PTPRO: variants seen among roughly 807,000 people sequenced by gnomAD.
PTPRO encodes the protein protein tyrosine phosphatase receptor type O.
Under a neutral mutation model 145.2 loss-of-function variants are expected in PTPRO, and 62 were observed. That is an observed-to-expected ratio of 0.43 (90% CI 0.35 to 0.53). The LOEUF is 0.53. Ranked by LOEUF, PTPRO falls within the 20% of genes least tolerant of loss-of-function variation. The probability of loss-of-function intolerance (pLI) is 0.01; values close to 1 mark genes in which losing one functional copy is unlikely to be tolerated. For synonymous variants in PTPRO, 565 were observed against 514.7 expected (o/e 1.10, Z -1.32); for missense variants, 1,345 against 1,482.7 (o/e 0.91, Z 1.53).
intron 1 of PTPRO, among the ~76,000 whole-genome samples, chr12:15,393,944 C>T (rs1939265582): frequency 6.6e-6 from 1 of 152,156 alleles, no homozygotes; most frequent in Admixed American, 6.5e-5. Flanking sequence ...CATCACATGG[C>T]AAGGAGGCTT....
Position 15,483,993 on chromosome 12 carries a change from T to G in PTPRO, c.95T>G (p.Val32Gly). The change falls in exon 2 of 27, where the codon GTA becomes GGA. Residue 32 changes from valine (V) to glycine (G), a missense_variant. Transcript: ENST00000281171. Reference protein sequence around the residue: ...VLFKNATAFHVTVQDDNNIVV... With the variant: ...VLFKNATAFHGTVQDDNNIVV... ...CAACAGAATGCTACAGCTTTCCATG[T>G]AACTGTCCAAGATGATAATAACATC... 1 of 1,613,654 alleles carries G rather than the reference T, an allele frequency of 6.2e-7. No homozygotes were observed.
chr12:15,363,171 A>G (rs1938259771), intron 1 of PTPRO, among the ~76,000 whole-genome samples: 1 of 152,200 alleles, frequency 6.6e-6, no homozygotes, highest in African/African-American at 2.4e-5. Flanking sequence ...TAGTTTCTAC[A>G]TAGAACAAGG....
At chr12:15,534,670 C>T (rs1943031584) in intron 12 of PTPRO, among the ~76,000 whole-genome samples, 1 of 152,174 alleles carries the variant, frequency 6.6e-6, no homozygotes, top group African/African-American at 2.4e-5. Context: ...GGATGCCAGA[C>T]AGAGGGAACA....
intron 7 of PTPRO, among the ~76,000 whole-genome samples, chr12:15,509,621 C>T (rs558709811): frequency 7.8e-5 from 9 of 114,984 alleles, no homozygotes; most frequent in Non-Finnish European, 1.5e-4. Flanking sequence ...CACTTGAACC[C>T]GGGAGGTGGG....
At chr12:15,591,230 G>A (rs554601118) in intron 25 of PTPRO, among the ~76,000 whole-genome samples, 3 of 152,082 alleles carry the variant, frequency 2.0e-5, no homozygotes, top group South Asian at 2.1e-4. Context: ...AATTAGCCTG[G>A]CCTGGTGATG....
chr12:15,347,193 C>T (rs1451428601), intron 1 of PTPRO, among the ~76,000 whole-genome samples: 2 of 152,170 alleles, frequency 1.3e-5, no homozygotes, highest in African/African-American at 4.8e-5. Context: ...CATACTCCAT[C>T]CTTAATTGGC....
chr12:15,565,283 A>G (rs947721832), intron 17 of PTPRO: 2 of 241,958 alleles, frequency 8.3e-6, no homozygotes, highest in Non-Finnish European at 1.6e-5. Context: ...ATACTTCTAT[A>G]TATTTACAAA....
chr12:15,399,910 G>A (rs1050452565), intron 1 of PTPRO, among the ~76,000 whole-genome samples: 1 of 151,184 alleles, frequency 6.6e-6, no homozygotes, highest in Admixed American at 6.6e-5. Flanking sequence ...AATTAGACGG[G>A]CGTGTTGGCG....
chr12:15,547,943 T>C (rs1245838102), intron 13 of PTPRO, among the ~76,000 whole-genome samples: 1 of 152,222 alleles, frequency 6.6e-6, no homozygotes, highest in Non-Finnish European at 1.5e-5. Flanking sequence ...GTCACTAGTC[T>C]GGCCATGGGT....
intron 1 of PTPRO, among the ~76,000 whole-genome samples, chr12:15,380,113 A>C (rs1199889864): frequency 6.6e-6 from 1 of 152,136 alleles, no homozygotes; most frequent in African/African-American, 2.4e-5. Context: ...CTTGGCCTTA[A>C]ACAAGTTACT....
At chr12:15,521,070 G>T (rs971691242) in intron 10 of PTPRO, among the ~76,000 whole-genome samples, 1 of 152,110 alleles carries the variant, frequency 6.6e-6, no homozygotes, top group Non-Finnish European at 1.5e-5. Flanking sequence ...TAACCCTTGT[G>T]GTTTGAACTA....
chr12:15,404,948 C>T (rs866510416), intron 1 of PTPRO, among the ~76,000 whole-genome samples: 5 of 152,290 alleles, frequency 3.3e-5, no homozygotes, highest in Admixed American at 6.5e-5. Context: ...GGCTGTCTTC[C>T]TGATTTGAAG....
intron 1 of PTPRO, among the ~76,000 whole-genome samples, chr12:15,430,956 T>C (rs1441641243): frequency 2.0e-5 from 3 of 152,208 alleles, no homozygotes; most frequent in African/African-American, 7.2e-5. Context: ...GACAGAATTT[T>C]TATAGAATAT....
rs1171221785 is a variant in PTPRO at position 15,551,717 on chromosome 12, C to A, written c.2558+46C>A. On this transcript the variant is annotated intron_variant, in intron 15 of 26. Transcript: ENST00000281171. ...ATTTTATCCGGAATCTTTAAAATAT[C>A]TTTATCTGCCATATATATATTGTTT... The A allele has an allele frequency of 1.9e-6, 3 of 1,587,996 alleles. No homozygotes were observed. The African/African-American group carries it at 4.0e-5, about 21-fold the overall frequency.
At chr12:15,543,988 C>A (rs1943227782) in intron 12 of PTPRO, among the ~76,000 whole-genome samples, 1 of 152,088 alleles carries the variant, frequency 6.6e-6, no homozygotes, top group Non-Finnish European at 1.5e-5. Flanking sequence ...CCAGTTTAAG[C>A]AGGATCTTAA....
At chr12:15,560,726 T>A (rs1227298760) in intron 17 of PTPRO, among the ~76,000 whole-genome samples, 2 of 152,116 alleles carry the variant, frequency 1.3e-5, no homozygotes, top group East Asian at 1.9e-4. Flanking sequence ...ATTAAACAGC[T>A]GACTATACGC....
intron 1 of PTPRO, among the ~76,000 whole-genome samples, chr12:15,327,972 G>A (rs1866494286): frequency 6.6e-6 from 1 of 152,046 alleles, no homozygotes; most frequent in Admixed American, 6.6e-5. Context: ...AAAACAGCCA[G>A]GTGTGGTGGC....
At chr12:15,478,349 A>G (rs1241747271) in intron 1 of PTPRO, among the ~76,000 whole-genome samples, 1 of 152,240 alleles carries the variant, frequency 6.6e-6, no homozygotes. Context: ...ATAGAAGTCT[A>G]TTAACTTCAA....
At chr12:15,459,087 C>T (rs1173791162) in intron 1 of PTPRO, among the ~76,000 whole-genome samples, 1 of 152,152 alleles carries the variant, frequency 6.6e-6, no homozygotes, top group Non-Finnish European at 1.5e-5. Context: ...CTAGAATATG[C>T]TGGGACTCAT....
Sources: gnomAD v4.1 joint callset for allele counts (sites outside exome capture counted in the v4.1 genomes callset) on GRCh38, gnomAD v4.1.1 for gene constraint, MANE v1.5 for transcripts, NCBI Gene and HGNC (gene_info 2026-07-23, HGNC 2026-07-21) for gene names.